EBF1: variants seen among roughly 807,000 people sequenced by gnomAD.
EBF1 encodes the protein transcription factor COE1.
EBF1 carries 10 observed loss-of-function variants against 68.4 expected under a neutral mutation model. The ratio of observed to expected loss-of-function variants is 0.15; its 90% CI spans 0.09 to 0.25. The LOEUF is 0.25. EBF1 is among the 10% of genes least tolerant of loss of function. EBF1 has a pLI of 1.00. For synonymous variants in EBF1, 298 were observed against 299.8 expected (o/e 0.99, Z 0.06); for missense variants, 509 against 794.4 (o/e 0.64, Z 4.32).
intron 6 of EBF1, among the ~76,000 whole-genome samples, chr5:159,005,909 C>A (rs1763457289): frequency 6.6e-6 from 1 of 152,172 alleles, no homozygotes; most frequent in Non-Finnish European, 1.5e-5. Flanking sequence ...TTATAATATT[C>A]CCAACACCAT....
chr5:158,792,981 A>G (rs1167842587), intron 9 of EBF1, among the ~76,000 whole-genome samples: 2 of 152,166 alleles, frequency 1.3e-5, no homozygotes, highest in African/African-American at 4.8e-5. Context: ...CCCTGATCTG[A>G]TAACACCCTA....
chr5:158,992,859 G>A (rs990920191), intron 6 of EBF1, among the ~76,000 whole-genome samples: 2 of 146,430 alleles, frequency 1.4e-5, no homozygotes, highest in East Asian at 4.2e-4. Flanking sequence ...CTGCTGAAGT[G>A]TAATTTTATA....
intron 6 of EBF1, among the ~76,000 whole-genome samples, chr5:158,935,902 T>C (rs1425902710): frequency 6.6e-6 from 1 of 152,250 alleles, no homozygotes; most frequent in East Asian, 1.9e-4. Flanking sequence ...GATTCATATT[T>C]CATTTTTATT....
Position 158,712,341 on chromosome 5 carries a change from G to A in EBF1, c.1370-8C>T, listed in dbSNP as rs1759564540. ...TTGAGTTGCGGGTGAAACCTGAGGG[G>A]CGGGGGCAAAACCGGAGGTGAGGGT... On this transcript the variant is annotated splice_polypyrimidine_tract_variant and splice_region_variant and intron_variant, in intron 13 of 15. Transcript: ENST00000313708. 6.2e-7 allele frequency: 1 copy of A among 1,613,116 alleles called. No homozygotes were observed. The highest frequency in any genetic ancestry group is 8.5e-7 in the Non-Finnish European group (1 of 1,179,432).
intron 6 of EBF1, among the ~76,000 whole-genome samples, chr5:159,061,593 C>T (rs1308635253): frequency 6.6e-6 from 1 of 152,204 alleles, no homozygotes; most frequent in East Asian, 1.9e-4. Context: ...CTTCCCCACT[C>T]GGCTGCTCCA....
At chr5:158,799,115 G>A (rs1027433906) in intron 8 of EBF1, among the ~76,000 whole-genome samples, 2 of 152,164 alleles carry the variant, frequency 1.3e-5, no homozygotes, top group Non-Finnish European at 2.9e-5. Flanking sequence ...ATGAGGAGGG[G>A]AAGCTAGTAG....
chr5:158,797,730 A>G (rs1368480538), intron 8 of EBF1, among the ~76,000 whole-genome samples: 1 of 152,208 alleles, frequency 6.6e-6, no homozygotes, highest in Non-Finnish European at 1.5e-5. Flanking sequence ...ATTCAAATTA[A>G]TCTTAAAAAT....
rs191222525 is a variant in EBF1 at position 158,738,075 on chromosome 5, T to C, written c.1037-6918A>G. On this transcript the variant is annotated intron_variant, in intron 10 of 15. Transcript: ENST00000313708. ...GAGGAAAACCCCCATAATATCCCCA[T>C]TCATGTAGAAGCATGATTGATATTT... Among the ~76,000 whole-genome samples, 9 of 152,320 alleles carry C rather than the reference T, an allele frequency of 5.9e-5. No homozygotes were observed. The East Asian group carries it at 1.7e-3, about 29-fold the overall frequency.
chr5:158,797,079 T>G (rs1233092200), intron 8 of EBF1, among the ~76,000 whole-genome samples: 2 of 152,238 alleles, frequency 1.3e-5, no homozygotes, highest in African/African-American at 4.8e-5. Flanking sequence ...GGGTGAATTA[T>G]GTAACCAAAT....
At chr5:158,959,064 G>A (rs1226999367) in intron 6 of EBF1, among the ~76,000 whole-genome samples, 3 of 152,016 alleles carry the variant, frequency 2.0e-5, no homozygotes, top group Non-Finnish European at 4.4e-5. Context: ...TGAGAGGAGG[G>A]ATTATTTAAA....
rs146163032 is a variant in EBF1, at chr5:159,081,385, T to C, written c.485+3281A>G. On this transcript the variant is annotated intron_variant, in intron 5 of 15. Transcript: ENST00000313708. ...TGTCTAATTTATAAATTAAACATTATCATAGGCATGCATGTATAGGAAAAA... is the reference window on the plus strand; with the variant it reads ...TGTCTAATTTATAAATTAAACATTACCATAGGCATGCATGTATAGGAAAAA... Among the ~76,000 whole-genome samples, 95 of 152,380 alleles carry C rather than the reference T, an allele frequency of 6.2e-4. 1 individual carries two copies. The East Asian group carries it at 0.016, about 26-fold the overall frequency.
At chr5:158,930,276 GT>G (rs1161048919) in intron 6 of EBF1, among the ~76,000 whole-genome samples, 8 of 137,252 alleles carry the variant, frequency 5.8e-5, no homozygotes, top group Admixed American at 5.1e-4. Context: ...TTTTTTGTTT[GT>G]TTTTTTTTGG....
intron 6 of EBF1, among the ~76,000 whole-genome samples, chr5:158,872,704 A>G (rs918109092): frequency 1.3e-5 from 2 of 152,174 alleles, no homozygotes; most frequent in African/African-American, 2.4e-5. Flanking sequence ...TGTGGGATAC[A>G]CTGGTAGATG....
chr5:158,792,637 T>C (rs1778873467), intron 9 of EBF1, among the ~76,000 whole-genome samples: 1 of 152,188 alleles, frequency 6.6e-6, no homozygotes, highest in Admixed American at 6.5e-5. Flanking sequence ...AAAAGTCTAC[T>C]TAAAATTAGA....
intron 8 of EBF1, among the ~76,000 whole-genome samples, chr5:158,813,126 T>C (rs1467406245): frequency 6.6e-6 from 1 of 152,192 alleles, no homozygotes; most frequent in Non-Finnish European, 1.5e-5. Flanking sequence ...ACTTACACTA[T>C]TATTTACTTA....
chr5:159,085,323 C>G (rs187157926), intron 4 of EBF1, among the ~76,000 whole-genome samples: 8 of 152,262 alleles, frequency 5.3e-5, no homozygotes, highest in African/African-American at 1.9e-4. Flanking sequence ...GCACACCCAC[C>G]CAAACAGGAA....
intron 7 of EBF1, among the ~76,000 whole-genome samples, chr5:158,831,302 A>G (rs1463067697): frequency 6.6e-6 from 1 of 152,174 alleles, no homozygotes; most frequent in Non-Finnish European, 1.5e-5. Context: ...CCAGAGTCAG[A>G]TGATCCTGAA....
chr5:159,070,793 A>G (rs1777661430), intron 6 of EBF1, among the ~76,000 whole-genome samples: 1 of 152,222 alleles, frequency 6.6e-6, no homozygotes, highest in Non-Finnish European at 1.5e-5. Context: ...AACAGTTACT[A>G]TTGCTACTGA....
intron 10 of EBF1, among the ~76,000 whole-genome samples, chr5:158,740,436 T>C (rs1766088819): frequency 6.6e-6 from 1 of 152,080 alleles, no homozygotes; most frequent in Non-Finnish European, 1.5e-5. Context: ...TGTAATGAAA[T>C]TATAACAGAG....
Sources: gnomAD v4.1 joint callset for allele counts (sites outside exome capture counted in the v4.1 genomes callset) on GRCh38, gnomAD v4.1.1 for gene constraint, MANE v1.5 for transcripts, NCBI Gene and HGNC (gene_info 2026-07-23, HGNC 2026-07-21) for gene names.